The following CYP3A43 variants were observed in gnomAD, a reference collection of about 807,000 sequenced individuals.
CYP3A43 encodes the protein cytochrome P450 family 3 subfamily A member 43.
A neutral mutation model predicts 58.0 loss-of-function variants in CYP3A43; 45 were observed. The ratio of observed to expected loss-of-function variants is 0.78; its 90% CI spans 0.61 to 0.99. The LOEUF is 0.99. Among genes scored for constraint, CYP3A43 ranks in the 50% least tolerant of loss-of-function variants. The pLI, the probability that CYP3A43 is intolerant of heterozygous loss-of-function variation, is 0.00. For synonymous variants in CYP3A43, 191 were observed against 201.4 expected (o/e 0.95, Z 0.44); for missense variants, 593 against 591.9 (o/e 1.00, Z -0.02).
intron 9 of CYP3A43, among the ~76,000 whole-genome samples, chr7:99,857,207 C>T (rs1249869423): frequency 6.6e-6 from 1 of 152,158 alleles, no homozygotes; most frequent in Non-Finnish European, 1.5e-5. Context: ...TTACTCAGAA[C>T]TTGGAAACGT....
chr7:99,839,902 AC>A (rs1388844630), intron 3 of CYP3A43, among the ~76,000 whole-genome samples: 1 of 152,128 alleles, frequency 6.6e-6, no homozygotes, highest in African/African-American at 2.4e-5. Flanking sequence ...TGGCTGCCCC[AC>A]CCTAATCTTT....
intron 3 of CYP3A43, among the ~76,000 whole-genome samples, chr7:99,843,259 A>T (rs1330101446): frequency 6.6e-6 from 1 of 151,800 alleles, no homozygotes; most frequent in Non-Finnish European, 1.5e-5. Context: ...TCTCCTTTAA[A>T]TTCTGAAGTT....
In CYP3A43 at chr7:99,847,512, A is replaced by G; in HGVS notation, c.343A>G (p.Lys115Glu). ...GCCTTTAGGTCCAATGGGATTTCTG[A>G]AAAGTGCCTTAAGTTTTGCTGAAGA... ...QMPLGPMGFL[K>E]SALSFAEDEE... is the part of the protein sequence containing the mutation. Residue 115 changes from lysine to glutamate, a missense_variant, in exon 5 of 13, where the codon AAA (lysine) becomes GAA (glutamate). By Grantham distance (56) the Lys-to-Glu change is moderately conservative (BLOSUM62 1). Transcript: ENST00000354829. 2 of 1,613,974 alleles carry G rather than the reference A, an allele frequency of 1.2e-6. No individual in the cohort carries two copies. The highest frequency in any genetic ancestry group is 1.7e-6 in the Non-Finnish European group (2 of 1,179,944).
chr7:99,829,756 A>G (rs540357619), intron 1 of CYP3A43, among the ~76,000 whole-genome samples: 2 of 152,314 alleles, frequency 1.3e-5, no homozygotes, highest in South Asian at 2.1e-4. Flanking sequence ...TAACTGCACC[A>G]TATACAGACC....
At chr7:99,851,230 A>G (rs539039426) in intron 7 of CYP3A43, among the ~76,000 whole-genome samples, 30 of 151,992 alleles carry the variant, frequency 2.0e-4, no homozygotes, top group African/African-American at 7.0e-4. Context: ...TGTTGTTTCT[A>G]CCTTTCAACT....
intron 7 of CYP3A43, chr7:99,849,976 T>TTTTTTTTTAA: frequency 2.2e-6 from 1 of 461,992 alleles, no homozygotes; most frequent in South Asian, 1.6e-5. Flanking sequence ...TTTTTTTTTT[T>TTTTTTTTTAA]AGACAGAGTC....
rs182830736 is a variant in CYP3A43 at position 99,853,067 on chromosome 7, T to C, written c.671-2524T>C. ...GTTAGTCTGTAGTTTCTTTATCCTG[T>C]GATATATTTTTCCAGTTTTAATATG... On this transcript the variant is annotated intron_variant, in intron 7 of 12. Coordinates refer to ENST00000354829, the MANE Select transcript of CYP3A43 (RefSeq NM_057095.3). Among the ~76,000 whole-genome samples, 286 of 152,348 alleles carry C rather than the reference T, an allele frequency of 1.9e-3. 10 individuals carry two copies. Among genetic ancestry groups the C allele is most frequent in the Admixed American group, 0.018 (281 of 15,300 alleles).
chr7:99,839,357 C>T (rs544027341), intron 3 of CYP3A43, 185 bp downstream of exon 3: 18 of 752,826 alleles, frequency 2.4e-5, no homozygotes, highest in Middle Eastern at 2.2e-4. Context: ...GGGGAATATG[C>T]GTGTCATAGG....
At chr7:99,854,186 C>A (rs1374641079) in intron 7 of CYP3A43, among the ~76,000 whole-genome samples, 1 of 151,844 alleles carries the variant, frequency 6.6e-6, no homozygotes, top group African/African-American at 2.4e-5. Flanking sequence ...GTCTGGTCAC[C>A]ATCCTTCTAC....
chr7:99,854,501 G>A (rs114095302), intron 7 of CYP3A43, among the ~76,000 whole-genome samples: 3,761 of 151,998 alleles, frequency 0.025, 119 homozygotes, highest in African/African-American at 0.077. Context: ...CACCGCGCCC[G>A]GCTGATGATA....
At chr7:99,845,799 A>G (rs1455305989) in intron 4 of CYP3A43, among the ~76,000 whole-genome samples, 1 of 149,280 alleles carries the variant, frequency 6.7e-6, no homozygotes, top group African/African-American at 2.5e-5. Context: ...TTTTTTTAAG[A>G]CGGTCTCGCT....
chr7:99,852,915 A>T (rs1342899596), intron 7 of CYP3A43, among the ~76,000 whole-genome samples: 1 of 152,258 alleles, frequency 6.6e-6, no homozygotes, highest in African/African-American at 2.4e-5. Context: ...ATGGTATATT[A>T]CACAACCTTG....
At chr7:99,829,610 A>G (rs1232171290) in intron 1 of CYP3A43, among the ~76,000 whole-genome samples, 2 of 152,174 alleles carry the variant, frequency 1.3e-5, no homozygotes, top group African/African-American at 2.4e-5. Flanking sequence ...CTCTACTCCA[A>G]CTGGAGCTGT....
At chr7:99,855,824 A>G (rs1425677757) in intron 8 of CYP3A43, 106 bp downstream of exon 8, 18 of 1,296,530 alleles carry the variant, frequency 1.4e-5, no homozygotes, top group Non-Finnish European at 1.8e-5. Context: ...AGGCAGCTAG[A>G]GAACTTTAGA....
At chr7:99,850,350 C>T (rs1817712679) in intron 7 of CYP3A43, among the ~76,000 whole-genome samples, 1 of 152,024 alleles carries the variant, frequency 6.6e-6, no homozygotes, top group African/African-American at 2.4e-5. Context: ...CAACCTCCGC[C>T]TTCCAGGTTC....
chr7:99,840,421 C>A (rs1422145269), intron 3 of CYP3A43, among the ~76,000 whole-genome samples: 1 of 152,178 alleles, frequency 6.6e-6, no homozygotes, highest in Non-Finnish European at 1.5e-5. Context: ...ATCCCTCCAC[C>A]TACCTTGAGA....
chr7:99,838,468 T>A (rs1181064655), intron 2 of CYP3A43, among the ~76,000 whole-genome samples: 1 of 152,232 alleles, frequency 6.6e-6, no homozygotes, highest in Non-Finnish European at 1.5e-5. Flanking sequence ...GGTTTCTTCA[T>A]GTTCCCATGG....
chr7:99,830,984 C>G (rs1018042821), intron 1 of CYP3A43, among the ~76,000 whole-genome samples: 1 of 152,232 alleles, frequency 6.6e-6, no homozygotes, highest in Non-Finnish European at 1.5e-5. Context: ...AGAGTGTTTA[C>G]TGACATCATT....
At chr7:99,839,477 T>G (rs1174215172) in intron 3 of CYP3A43, 8 of 567,938 alleles carry the variant, frequency 1.4e-5, no homozygotes, top group Admixed American at 1.3e-4. Flanking sequence ...CTTACTGCCT[T>G]CCTTTTTTCC....
Sources: gnomAD v4.1 joint callset for allele counts (sites outside exome capture counted in the v4.1 genomes callset) on GRCh38, gnomAD v4.1.1 for gene constraint, MANE v1.5 for transcripts, NCBI Gene and HGNC (gene_info 2026-07-23, HGNC 2026-07-21) for gene names.